Variants in UBE2D2 observed in about 807,000 individuals in gnomAD.
UBE2D2 encodes the protein ubiquitin conjugating enzyme E2 D2.
Under a neutral mutation model 24.2 loss-of-function variants are expected in UBE2D2, and 2 were observed. The observed-to-expected ratio is 0.08, with a 90% CI of 0.03 to 0.26. The LOEUF is 0.26. Ranked by LOEUF, UBE2D2 falls within the 10% of genes least tolerant of loss-of-function variation. The pLI, the probability that UBE2D2 is intolerant of heterozygous loss-of-function variation, is 1.00. For synonymous variants in UBE2D2, 58 were observed against 56.5 expected, an observed-to-expected ratio of 1.03 and a Z score of -0.12; for missense variants, 44 against 177.6, an observed-to-expected ratio of 0.25 and a Z score of 4.28.
intron 1 of UBE2D2, among the ~76,000 whole-genome samples, chr5:139,565,865 C>T (rs1032407509): frequency 9.9e-5 from 15 of 152,140 alleles, no homozygotes; most frequent in Non-Finnish European, 2.2e-4. Flanking sequence ...GAGTTGAAGA[C>T]TGACCAGAGT....
chr5:139,557,602 A>G (rs1035783590), upstream of UBE2D2, among the ~76,000 whole-genome samples: 4 of 151,934 alleles, frequency 2.6e-5, no homozygotes, highest in Non-Finnish European at 5.9e-5. Flanking sequence ...TACAAAAATT[A>G]GCCAGGCGTT....
chr5:139,537,420 A>G (rs1752697414), intron 1 of UBE2D2, among the ~76,000 whole-genome samples: 1 of 152,096 alleles, frequency 6.6e-6, no homozygotes, highest in African/African-American at 2.4e-5. Flanking sequence ...GTACGATTCA[A>G]TCGATTTTAG....
chr5:139,569,132 TTAGTTCTATCTTGGA>T (rs1196956786), intron 1 of UBE2D2, among the ~76,000 whole-genome samples: 5 of 152,208 alleles, frequency 3.3e-5, no homozygotes, highest in African/African-American at 7.2e-5. Context: ...GCTATTTAAA[TTAGTTCTATCTTGGA>T]TAGTTCTATC....
intron 2 of UBE2D2, among the ~76,000 whole-genome samples, chr5:139,608,767 A>G (rs1373386418): frequency 6.6e-6 from 1 of 152,176 alleles, no homozygotes; most frequent in Non-Finnish European, 1.5e-5. Flanking sequence ...GGGAATCACA[A>G]AAAAGGAAAT....
intron 5 of UBE2D2, among the ~76,000 whole-genome samples, chr5:139,618,221 G>A (rs902231095): frequency 3.3e-5 from 5 of 151,946 alleles, no homozygotes; most frequent in Non-Finnish European, 5.9e-5. Flanking sequence ...TGATCCGCCC[G>A]CCTCAGCCTC....
chr5:139,596,513 C>T (rs558623570), intron 1 of UBE2D2, among the ~76,000 whole-genome samples: 9 of 151,716 alleles, frequency 5.9e-5, no homozygotes, highest in African/African-American at 1.5e-4. Flanking sequence ...ATGCTGGTCT[C>T]GAAGTCCTGA....
chr5:139,590,264 G>A (rs947699052), intron 1 of UBE2D2, among the ~76,000 whole-genome samples: 3 of 151,794 alleles, frequency 2.0e-5, no homozygotes, highest in Non-Finnish European at 4.4e-5. Context: ...ATGAAACCCC[G>A]TCTCTACTAA....
intron 1 of UBE2D2, among the ~76,000 whole-genome samples, chr5:139,571,189 G>A (rs1033361452): frequency 7.3e-5 from 11 of 151,612 alleles, no homozygotes; most frequent in African/African-American, 1.5e-4. Context: ...CGGGTGGATC[G>A]TGAGGTCAGG....
intron 1 of UBE2D2, among the ~76,000 whole-genome samples, chr5:139,535,429 C>T (rs1445770355): frequency 1.3e-5 from 2 of 151,850 alleles, no homozygotes; most frequent in Non-Finnish European, 2.9e-5. Flanking sequence ...GCACTCCAGC[C>T]TGGGAGCGAG....
intron 2 of UBE2D2, among the ~76,000 whole-genome samples, chr5:139,605,591 CAAAAA>C (rs70988710): frequency 4.5e-5 from 2 of 44,708 alleles, no homozygotes; most frequent in Admixed American, 6.4e-4. Context: ...GACTCTGTCT[CAAAAA>C]AAAAAAAAAA....
At chr5:139,621,720 G>A (rs904888148) in intron 5 of UBE2D2, among the ~76,000 whole-genome samples, 31 of 151,912 alleles carry the variant, frequency 2.0e-4, no homozygotes, top group South Asian at 1.0e-3. Context: ...CCTCTTGGGC[G>A]TAAGTGATCC....
chr5:139,586,532 G>A (rs1439142772), intron 1 of UBE2D2, among the ~76,000 whole-genome samples: 1 of 152,146 alleles, frequency 6.6e-6, no homozygotes, highest in East Asian at 1.9e-4. Flanking sequence ...TTGGGAGGCC[G>A]AGGCGGGCGG....
At chr5:139,538,914 A>T (rs1752721130) in intron 1 of UBE2D2, among the ~76,000 whole-genome samples, 1 of 152,150 alleles carries the variant, frequency 6.6e-6, no homozygotes, top group Admixed American at 6.6e-5. Flanking sequence ...TTACTACAAT[A>T]AAAAAATGTT....
At chr5:139,562,396 G>GAA (rs750789439) in intron 1 of UBE2D2, 5 of 1,181,804 alleles carry the variant, frequency 4.2e-6, no homozygotes, top group South Asian at 2.9e-5. Flanking sequence ...AAGTTCAGAA[G>GAA]AAAAAAAAAA....
intron 6 of UBE2D2, among the ~76,000 whole-genome samples, chr5:139,624,908 A>T (rs979779958): frequency 1.3e-5 from 2 of 152,152 alleles, no homozygotes. Flanking sequence ...TTTATTGTCA[A>T]ATTTTTTTGA....
intron 6 of UBE2D2, among the ~76,000 whole-genome samples, chr5:139,624,655 G>A (rs1754578012): frequency 1.3e-5 from 2 of 152,168 alleles, no homozygotes; most frequent in East Asian, 1.9e-4. Context: ...GCATGGTGGC[G>A]GGCACCTGTA....
intron 1 of UBE2D2, among the ~76,000 whole-genome samples, chr5:139,577,570 C>T (rs1024539837): frequency 2.0e-5 from 3 of 151,866 alleles, no homozygotes; most frequent in Non-Finnish European, 2.9e-5. Context: ...CATGCCACCA[C>T]GTCTGGCTAA....
rs1581522462 is a variant in UBE2D2 at position 139,602,269 on chromosome 5, C to T, written c.88+1834C>T. 3.3e-5 allele frequency among the ~76,000 whole-genome samples: 5 copies of T among 152,348 alleles called. No individual in the cohort carries two copies. In the South Asian group the frequency reaches 1.0e-3, roughly 32 times the overall value. ...GTTTCGCCATGTTGGCGAGGCTGGT[C>T]TTGAATTCCTGACCTTAGGTGATCC... On this transcript the variant is annotated intron_variant, in intron 2 of 6. Transcript: ENST00000398733.
intron 2 of UBE2D2, among the ~76,000 whole-genome samples, chr5:139,603,401 C>G (rs974491232): frequency 1.3e-5 from 2 of 152,026 alleles, no homozygotes; most frequent in Non-Finnish European, 2.9e-5. Flanking sequence ...AATCCTAGCA[C>G]TTTGGGAGGC....
Sources: allele counts gnomAD v4.1 joint callset (sites outside exome capture counted in the v4.1 genomes callset), GRCh38; gene constraint gnomAD v4.1.1; transcripts MANE v1.5; gene names NCBI Gene and HGNC (gene_info 2026-07-23, HGNC 2026-07-21).